Variants in VPS33A observed in about 807,000 individuals in gnomAD.
VPS33A encodes the protein VPS33A core subunit of CORVET and HOPS complexes.
Under a neutral mutation model 71.8 loss-of-function variants are expected in VPS33A, and 32 were observed. The ratio of observed to expected loss-of-function variants is 0.45; its 90% confidence interval spans 0.34 to 0.60. The LOEUF (loss-of-function observed/expected upper bound fraction) is 0.60. VPS33A is among the 20% of genes least tolerant of loss of function. The pLI is 0.02. For synonymous variants in VPS33A, 311 were observed against 292.7 expected, an observed-to-expected ratio of 1.06 and a Z score of -0.64; for missense variants, 625 against 748.5, an observed-to-expected ratio of 0.84 and a Z score of 1.92.
intron 10 of VPS33A, 123 bp downstream of exon 10, chr12:122,238,464 C>T: frequency 8.4e-7 from 1 of 1,197,518 alleles, no homozygotes. Flanking sequence ...TCAAGTGATC[C>T]ACCTGCTTTG....
chr12:122,261,254 A>G lies in VPS33A; in HGVS notation c.483+7T>C, dbSNP rs1311420918. On this transcript the variant is annotated splice_region_variant and intron_variant, in intron 4 of 12. Transcript: ENST00000267199. The stretch of plus-strand genomic sequence containing the variant: ...AATGCCTGAAGTTAAGGAAATGCCA[A>G]ACTTACTTTGAATGCACCCTCTGAT... 1 of 1,600,456 alleles carries G rather than the reference A, an allele frequency of 6.2e-7. No homozygotes were observed. Among genetic ancestry groups the G allele is most frequent in the East Asian group, 2.2e-5 (1 of 44,644 alleles).
intron 12 of VPS33A, 66 bp downstream of exon 12, chr12:122,232,734 C>A: frequency 6.5e-7 from 1 of 1,529,984 alleles, no homozygotes; most frequent in East Asian, 2.3e-5. Flanking sequence ...TACAAAGCAA[C>A]TGTACAATAC....
At chr12:122,256,582 T>C (rs1022832531) in intron 4 of VPS33A, among the ~76,000 whole-genome samples, 5 of 149,340 alleles carry the variant, frequency 3.3e-5, no homozygotes, top group African/African-American at 1.2e-4. Flanking sequence ...TCAAAAACAA[T>C]TAAAAAAAAA....
At chr12:122,265,582 C>A in intron 1 of VPS33A, 1 of 305,068 alleles carries the variant, frequency 3.3e-6, no homozygotes, top group Non-Finnish European at 7.0e-6. Flanking sequence ...TGAAACTGGG[C>A]CCCTATGATG....
At chr12:122,236,389 C>T (rs1011557094) in intron 10 of VPS33A, among the ~76,000 whole-genome samples, 1 of 152,088 alleles carries the variant, frequency 6.6e-6, no homozygotes, top group Non-Finnish European at 1.5e-5. Flanking sequence ...CCTGTAATCC[C>T]AGTACTTTGG....
At chr12:122,266,070 G>A (rs1566056170) in intron 1 of VPS33A, among the ~76,000 whole-genome samples, 3 of 152,336 alleles carry the variant, frequency 2.0e-5, no homozygotes, top group East Asian at 3.9e-4. Flanking sequence ...CTATCACAGT[G>A]GCTTACTCTG....
intron 6 of VPS33A, among the ~76,000 whole-genome samples, chr12:122,246,761 G>C (rs1317574000): frequency 6.6e-6 from 1 of 151,632 alleles, no homozygotes; most frequent in African/African-American, 2.4e-5. Context: ...CACCATACCT[G>C]GCTAATTTTT....
chr12:122,240,268 C>T (rs943396474), intron 8 of VPS33A, among the ~76,000 whole-genome samples: 1 of 152,090 alleles, frequency 6.6e-6, no homozygotes, highest in African/African-American at 2.4e-5. Context: ...GCGGAGGTTA[C>T]AGTGAGCCAA....
At chr12:122,243,978 G>A (rs1336024878) in intron 7 of VPS33A, among the ~76,000 whole-genome samples, 1 of 152,150 alleles carries the variant, frequency 6.6e-6, no homozygotes, top group African/African-American at 2.4e-5. Flanking sequence ...TCCCATTTAT[G>A]TTTCCAAAGT....
intron 6 of VPS33A, among the ~76,000 whole-genome samples, chr12:122,245,865 G>A (rs960953341): frequency 6.6e-6 from 1 of 152,188 alleles, no homozygotes; most frequent in Admixed American, 6.5e-5. Context: ...TGTATGACCT[G>A]CACTTTGTAA....
rs5801475 is a variant in VPS33A at position 122,239,749 on chromosome 12, C to CAAAAAAAA, written c.1164+121_1164+128dup. On this transcript the variant is annotated intron_variant, in intron 9 of 12. Transcript: ENST00000267199. ...GGTGACACACAGTGAGACTCCGTCT[C>CAAAAAAAA]AAAAAAAAAAAAAAAAAAAAAAAAA... 163 of 197,810 alleles carry CAAAAAAAA rather than the reference C, an allele frequency of 8.2e-4. 11 individuals are homozygous for CAAAAAAAA. The highest frequency in any genetic ancestry group is 1.1e-3 in the East Asian group (3 of 2,780). 12.3% of individuals were successfully genotyped at this position (197,810 alleles called of 1,614,324 possible).
intron 4 of VPS33A, among the ~76,000 whole-genome samples, chr12:122,254,285 A>G (rs1192842660): frequency 6.6e-6 from 1 of 152,042 alleles, no homozygotes; most frequent in Admixed American, 6.6e-5. Flanking sequence ...TCTCCACCAA[A>G]AATCGGGGCT....
chr12:122,261,275 C>T lies in VPS33A; in HGVS notation c.469G>A (p.Glu157Lys). 6.2e-7 allele frequency: 1 copy of T among 1,604,500 alleles called. No individual in the cohort carries two copies. Among genetic ancestry groups the T allele is most frequent in the Non-Finnish European group, 8.5e-7 (1 of 1,177,342 alleles). Residue 157 changes from glutamate to lysine, a missense_variant, in exon 4 of 13, where the codon GAG (glutamate) becomes AAG (lysine). Coordinates refer to ENST00000267199, the MANE Select transcript of VPS33A (RefSeq NM_022916.6). ...GCCAAACTTACTTTGAATGCACCCT[C>T]TGATTCCATGGATAAGAGATCCCCA... ...FDGDLLSMES[E>K]GAFKECYLEG... is the part of the protein sequence containing the mutation.
chr12:122,265,685 TCA>T (rs1461229236), intron 1 of VPS33A: 2 of 450,788 alleles, frequency 4.4e-6, no homozygotes, highest in Non-Finnish European at 4.5e-6. Flanking sequence ...GTTCGACTTT[TCA>T]CAGTTGTACT....
intron 2 of VPS33A, 129 bp downstream of exon 2, chr12:122,264,005 T>C: frequency 2.6e-6 from 2 of 780,690 alleles, no homozygotes; most frequent in Non-Finnish European, 4.0e-6. Context: ...AATCGGGCAC[T>C]AGTATTAGTG....
chr12:122,230,018 A>C lies in VPS33A; in HGVS notation c.*2228T>G, dbSNP rs942911952. ...AAAATGGAGGGGCAGGGTGGATTCC[A>C]TTCTCTAAAGCAGCTGATGACTGCC... On this transcript the variant is annotated 3_prime_UTR_variant, in exon 13 of 13. Coordinates refer to ENST00000267199, the MANE Select transcript of VPS33A (RefSeq NM_022916.6). 1 of 152,216 alleles carries C rather than the reference A, an allele frequency of 6.6e-6. No individual in the cohort carries two copies. Among genetic ancestry groups the C allele is most frequent in the African/African-American group, 2.4e-5 (1 of 41,444 alleles). The allele number at this position is 152,216 out of a possible 1,614,324, so 9.4% of individuals were successfully genotyped here.
At chr12:122,259,394 T>A (rs1167740300) in intron 4 of VPS33A, among the ~76,000 whole-genome samples, 1 of 152,018 alleles carries the variant, frequency 6.6e-6, no homozygotes, top group East Asian at 1.9e-4. Flanking sequence ...TAATTTTGTA[T>A]TTTTAGTAGA....
rs1954557580 is a variant in VPS33A at position 122,231,361 on chromosome 12, TAAG to T, written c.*882_*884del. On this transcript the variant is annotated 3_prime_UTR_variant, in exon 13 of 13. Coordinates refer to ENST00000267199, the MANE Select transcript of VPS33A (RefSeq NM_022916.6). ...AAGCTCCCCTAAACCTCTTGCTTTGTAAGAAGTAGAAGGAAGCAAACTTGCCTT... is the reference window on the plus strand; with the variant it reads ...AAGCTCCCCTAAACCTCTTGCTTTGTAAGTAGAAGGAAGCAAACTTGCCTT... The T allele has an allele frequency of 6.6e-6, 1 of 152,202 alleles. No individual in the cohort carries two copies. The highest frequency in any genetic ancestry group is 2.4e-5 in the African/African-American group (1 of 41,446). The allele number at this position is 152,202 out of a possible 1,614,324, so 9.4% of individuals were successfully genotyped here.
rs546125854 is a variant in VPS33A, at chr12:122,235,898, G to A, written c.1328C>T (p.Thr443Ile). ...GCCGGCCTTCTCCAGGTTGTGTAAG[G>A]TCAATATGTGCTCATAGCCGTATGT... ...LQTYGYEHIL[T>I]LHNLEKAGLL... Residue 443 changes from threonine to isoleucine, a missense_variant, in exon 11 of 13, where the codon ACC becomes ATC. Physicochemically the swap from Thr to Ile is moderately conservative, Grantham distance 89 (BLOSUM62 -1). Coordinates refer to ENST00000267199, the MANE Select transcript of VPS33A (RefSeq NM_022916.6). The A allele has an allele frequency of 1.9e-6, 3 of 1,613,304 alleles. No homozygotes were observed. Among genetic ancestry groups the A allele is most frequent in the African/African-American group, 1.3e-5 (1 of 74,970 alleles).
Sources: gnomAD v4.1 joint callset for allele counts (sites outside exome capture counted in the v4.1 genomes callset) on GRCh38, gnomAD v4.1.1 for gene constraint, MANE v1.5 for transcripts, NCBI Gene and HGNC (gene_info 2026-07-23, HGNC 2026-07-21) for gene names.